The following GLG1 variants were observed in gnomAD, a reference collection of about 807,000 sequenced individuals.
GLG1 encodes the protein golgi glycoprotein 1.
GLG1 carries 38 observed loss-of-function variants against 160.5 expected under a neutral mutation model. The ratio of observed to expected loss-of-function variants is 0.24; its 90% confidence interval spans 0.18 to 0.31. The LOEUF is 0.31. Among genes scored for constraint, GLG1 ranks in the 10% least tolerant of loss-of-function variants. The pLI is 1.00. For missense variants in GLG1, 1,373 were observed against 1,505.2 expected, an observed-to-expected ratio of 0.91 and a Z score of 1.45; for synonymous variants, 644 against 543.4, an observed-to-expected ratio of 1.19 and a Z score of -2.57.
chr16:74,516,162 G>C (rs1370145940), intron 2 of GLG1, among the ~76,000 whole-genome samples: 3 of 151,392 alleles, frequency 2.0e-5, no homozygotes, highest in African/African-American at 4.9e-5. Flanking sequence ...AGAAAGTTAA[G>C]AAGGATATCC....
At chr16:74,469,802 C>A (rs2015131225) in intron 16 of GLG1, 183 bp downstream of exon 16, 3 of 595,162 alleles carry the variant, frequency 5.0e-6, no homozygotes, top group Non-Finnish European at 9.0e-6. Flanking sequence ...GTGAGAACTA[C>A]CATCGCCAGA....
Position 74,472,901 on chromosome 16 carries a change from A to G in GLG1, c.2053-490T>C, listed in dbSNP as rs1338844741. Reference sequence around the variant, plus strand: ...CCGTGCAACACTAGCTCCTGAAAAAACACCTTCCTTTAAAGAGCTATACAC... The same window carrying G: ...CCGTGCAACACTAGCTCCTGAAAAAGCACCTTCCTTTAAAGAGCTATACAC... On this transcript the variant is annotated intron_variant, in intron 13 of 25. Coordinates refer to ENST00000422840, the MANE Select transcript of GLG1 (RefSeq NM_001145667.2). The G allele has an allele frequency of 1.8e-5, 4 of 217,442 alleles. No homozygotes were observed. The Admixed American group carries it at 2.2e-4, about 12-fold the overall frequency. 13.5% of individuals were successfully genotyped at this position (217,442 alleles called of 1,614,324 possible).
Position 74,553,755 on chromosome 16 carries a change from G to C in GLG1, c.439-21602C>G, listed in dbSNP as rs186754366. On this transcript the variant is annotated intron_variant, in intron 1 of 25. Coordinates refer to ENST00000422840, the MANE Select transcript of GLG1 (RefSeq NM_001145667.2). ...CCCAAAGTGCTGGGATTACAGGCTT[G>C]AGCCACCGTGCCAGGCCATGGAACA... Among the ~76,000 whole-genome samples, 128 of 152,282 alleles carry C rather than the reference G, an allele frequency of 8.4e-4. 3 individuals are homozygous for C. In the East Asian group the frequency reaches 0.024, roughly 28 times the overall value.
At chr16:74,512,143 T>C (rs913818745) in intron 2 of GLG1, among the ~76,000 whole-genome samples, 26 of 150,094 alleles carry the variant, frequency 1.7e-4, no homozygotes, top group African/African-American at 6.1e-4. Context: ...ATTAATCTAC[T>C]TTCTGGTCTT....
At chr16:74,605,571 A>C (rs1253495007) in intron 1 of GLG1, among the ~76,000 whole-genome samples, 2 of 152,144 alleles carry the variant, frequency 1.3e-5, no homozygotes, top group Non-Finnish European at 2.9e-5. Context: ...GGGGCTCTGG[A>C]AACTTCCTTT....
At chr16:74,589,866 A>G (rs1192002180) in intron 1 of GLG1, among the ~76,000 whole-genome samples, 3 of 151,990 alleles carry the variant, frequency 2.0e-5, no homozygotes, top group Admixed American at 1.3e-4. Context: ...GAACACGGGA[A>G]GCAGAGGTTG....
chr16:74,537,164 G>A (rs995077502), intron 1 of GLG1, among the ~76,000 whole-genome samples: 3 of 152,102 alleles, frequency 2.0e-5, no homozygotes, highest in Non-Finnish European at 4.4e-5. Context: ...ATTATAAACA[G>A]AAGAATGAGA....
At chr16:74,550,082 C>T (rs1323060440) in intron 1 of GLG1, among the ~76,000 whole-genome samples, 1 of 152,228 alleles carries the variant, frequency 6.6e-6, no homozygotes, top group Non-Finnish European at 1.5e-5. Flanking sequence ...CACACCATTG[C>T]ACTCCAGCCT....
intron 1 of GLG1, among the ~76,000 whole-genome samples, chr16:74,560,254 C>T (rs1275361327): frequency 6.6e-6 from 1 of 151,930 alleles, no homozygotes; most frequent in Non-Finnish European, 1.5e-5. Flanking sequence ...GCTGAAGCTC[C>T]CCCAGGACTC....
chr16:74,593,590 A>G (rs1459628117), intron 1 of GLG1, among the ~76,000 whole-genome samples: 1 of 151,770 alleles, frequency 6.6e-6, no homozygotes, highest in Non-Finnish European at 1.5e-5. Context: ...ATGTGTGACC[A>G]TGCCTGGCTA....
chr16:74,463,032 G>A (rs1032915872), intron 20 of GLG1: 10 of 422,496 alleles, frequency 2.4e-5, no homozygotes, highest in East Asian at 4.4e-5. Context: ...TTTCTGTTCC[G>A]AATCAGATTA....
intron 1 of GLG1, among the ~76,000 whole-genome samples, chr16:74,589,743 T>A (rs1466834921): frequency 2.0e-5 from 3 of 152,154 alleles, no homozygotes; most frequent in Non-Finnish European, 2.9e-5. Context: ...CTATTTCACA[T>A]ATACTCTCAA....
In GLG1 at chr16:74,482,971, C is replaced by T. The variant is rs563484648; in HGVS notation, c.1673+52G>A. 1.8e-5 allele frequency: 17 copies of T among 934,328 alleles called. No homozygotes were observed. In the East Asian group the frequency reaches 3.8e-4, roughly 21 times the overall value. The allele number at this position is 934,328 out of a possible 1,614,324, so 57.9% of individuals were successfully genotyped here. A position where few individuals can be genotyped will look rare whatever the true frequency, so the allele number is the denominator to read the frequency against. On this transcript the variant is annotated intron_variant, in intron 10 of 25. Coordinates refer to ENST00000422840, the MANE Select transcript of GLG1 (RefSeq NM_001145667.2). ...TAATAAATACAGGTAATTATGACTA[C>T]ACAGGAGAAGAGGCTGAGGCAATAC...
chr16:74,482,608 T>C lies in GLG1; in HGVS notation c.1673+415A>G, dbSNP rs1386786214. Among the ~76,000 whole-genome samples, 9 of 152,176 alleles carry C rather than the reference T, an allele frequency of 5.9e-5. No homozygotes were observed. In the East Asian group the frequency reaches 1.7e-3, roughly 29 times the overall value. On this transcript the variant is annotated intron_variant, in intron 10 of 25. Coordinates refer to ENST00000422840, the MANE Select transcript of GLG1 (RefSeq NM_001145667.2). ...AAAAACCCCTTAAGACAGACTTAAT[T>C]CAGTAACTCTGAATAAATAAATAAA...
At chr16:74,567,984 T>G (rs901774655) in intron 1 of GLG1, among the ~76,000 whole-genome samples, 3 of 152,306 alleles carry the variant, frequency 2.0e-5, no homozygotes, top group African/African-American at 4.8e-5. Flanking sequence ...CTGACACAGA[T>G]AGAGCAAATG....
chr16:74,541,796 G>A (rs1465985266), intron 1 of GLG1, among the ~76,000 whole-genome samples: 3 of 151,770 alleles, frequency 2.0e-5, no homozygotes, highest in Non-Finnish European at 4.4e-5. Flanking sequence ...ATGTGTATAG[G>A]TTATTTCTGA....
chr16:74,569,079 T>C (rs1278743701), intron 1 of GLG1, among the ~76,000 whole-genome samples: 4 of 152,168 alleles, frequency 2.6e-5, no homozygotes, highest in Non-Finnish European at 5.9e-5. Flanking sequence ...CTGCCCAAGG[T>C]AGGAAATCTA....
At chr16:74,524,397 CT>C (rs1351598003) in intron 2 of GLG1, among the ~76,000 whole-genome samples, 1 of 151,992 alleles carries the variant, frequency 6.6e-6, no homozygotes, top group African/African-American at 2.4e-5. Context: ...TGCTGTAGGC[CT>C]TTTTATAGAC....
At chr16:74,488,320 C>G (rs1056089205) in intron 8 of GLG1, among the ~76,000 whole-genome samples, 1 of 152,036 alleles carries the variant, frequency 6.6e-6, no homozygotes, top group East Asian at 1.9e-4. Context: ...AACGGGCAGA[C>G]TGCTTGAGCC....
Sources: allele counts gnomAD v4.1 joint callset (sites outside exome capture counted in the v4.1 genomes callset), GRCh38; gene constraint gnomAD v4.1.1; transcripts MANE v1.5; gene names NCBI Gene and HGNC (gene_info 2026-07-23, HGNC 2026-07-21).